The following SP140 variants were observed in gnomAD, a reference collection of about 807,000 sequenced individuals.
SP140 encodes SP140 nuclear body protein.
SP140 carries 81 observed loss-of-function variants against 125.0 expected under a neutral mutation model. The ratio of observed to expected loss-of-function variants is 0.65; its 90% CI spans 0.54 to 0.78. The LOEUF (loss-of-function observed/expected upper bound fraction) is 0.78, where lower values mean the gene tolerates loss of function less well. SP140 is among the 30% of genes least tolerant of loss of function. SP140 has a pLI of 0.00. For missense variants in SP140, 858 were observed against 1,037.0 expected, an observed-to-expected ratio of 0.83 and a Z score of 2.37; for synonymous variants, 312 against 354.0, an observed-to-expected ratio of 0.88 and a Z score of 1.33.
At chr2:230,212,035 CT>C (rs1002277790) in intron 1 of SP140, among the ~76,000 whole-genome samples, 1 of 152,096 alleles carries the variant, frequency 6.6e-6, no homozygotes, top group Non-Finnish European at 1.5e-5. Flanking sequence ...TAACATTGTT[CT>C]TAGAATCCAA....
chr2:230,267,712 G>A (rs745763948), intron 12 of SP140, among the ~76,000 whole-genome samples: 3 of 152,172 alleles, frequency 2.0e-5, no homozygotes, highest in Non-Finnish European at 4.4e-5. Flanking sequence ...GTGACAAACA[G>A]CAAAGAGGCC....
intron 15 of SP140, among the ~76,000 whole-genome samples, chr2:230,280,579 A>G (rs1430147557): frequency 6.6e-6 from 1 of 151,902 alleles, no homozygotes; most frequent in Non-Finnish European, 1.5e-5. Context: ...TTTTTAATGG[A>G]TTGGTATAAA....
intron 7 of SP140, among the ~76,000 whole-genome samples, chr2:230,246,196 CTTTCCTT>C (rs1185458013): frequency 7.9e-5 from 12 of 152,278 alleles, no homozygotes; most frequent in Non-Finnish European, 1.8e-4. Context: ...CTTCTTCCTG[CTTTCCTT>C]AAGAGGCACA....
upstream of SP140, among the ~76,000 whole-genome samples, chr2:230,222,672 A>T (rs1201639303): frequency 6.6e-6 from 1 of 151,616 alleles, no homozygotes; most frequent in African/African-American, 2.4e-5. Flanking sequence ...TCTGGTGAGC[A>T]GTGACAGAGT....
intron 15 of SP140, among the ~76,000 whole-genome samples, chr2:230,273,199 A>G (rs757596827): frequency 3.3e-5 from 5 of 152,242 alleles, no homozygotes; most frequent in Non-Finnish European, 5.9e-5. Flanking sequence ...TATGCATCTG[A>G]CAAAGATCTA....
At chr2:230,250,839 G>T in intron 9 of SP140, 142 bp from the exon 10 acceptor site, 1 of 752,420 alleles carries the variant, frequency 1.3e-6, no homozygotes, top group Non-Finnish European at 2.2e-6. Flanking sequence ...TTACAGGCCA[G>T]GTGAACCCAC....
At chr2:230,302,458 A>G (rs2058374069) in intron 22 of SP140, among the ~76,000 whole-genome samples, 1 of 152,218 alleles carries the variant, frequency 6.6e-6, no homozygotes, top group African/African-American at 2.4e-5. Context: ...ACAGAATGAT[A>G]CTGGGGGACT....
chr2:230,218,245 G>A (rs1276597524), intron 3 of SP140, among the ~76,000 whole-genome samples: 9 of 152,168 alleles, frequency 5.9e-5, no homozygotes, highest in African/African-American at 9.7e-5. Flanking sequence ...AAAGTAAATC[G>A]TAATTAACAA....
rs550343216 is a variant in SP140, at chr2:230,292,674, G to A, written c.1854G>A (p.Glu618=). 2.3e-5 allele frequency: 37 copies of A among 1,614,160 alleles called. No homozygotes were observed. The South Asian group carries it at 4.0e-4, about 17-fold the overall frequency. ...QGILVKCIQT[E]DGKWFTPTEF... ...TCTTGGTGAAGTGTATACAGACTGA[G>A]GATGGAAAATGGTTCACCCCCACGG... Residue 618 remains glutamate (E), a synonymous_variant, in exon 20 of 27, where the codon GAG becomes GAA. Coordinates refer to ENST00000392045, the MANE Select transcript of SP140 (RefSeq NM_007237.5).
At chr2:230,234,232 TG>T (rs1462340883) in intron 1 of SP140, among the ~76,000 whole-genome samples, 1 of 152,238 alleles carries the variant, frequency 6.6e-6, no homozygotes, top group Admixed American at 6.5e-5. Context: ...ACCCTCATCC[TG>T]GACTCTGTCT....
chr2:230,303,707 C>T (rs1260026940), intron 22 of SP140, among the ~76,000 whole-genome samples: 1 of 152,158 alleles, frequency 6.6e-6, no homozygotes, highest in Non-Finnish European at 1.5e-5. Flanking sequence ...AAATCCAGCA[C>T]CTTTTATAAT....
intron 12 of SP140, among the ~76,000 whole-genome samples, chr2:230,256,468 A>G (rs937833747): frequency 2.7e-5 from 4 of 149,416 alleles, no homozygotes; most frequent in African/African-American, 7.4e-5. Context: ...GTGGGAATTG[A>G]ACAATGAGAA....
intron 1 of SP140, among the ~76,000 whole-genome samples, chr2:230,209,158 A>G (rs1248048018): frequency 6.6e-6 from 1 of 152,240 alleles, no homozygotes; most frequent in Non-Finnish European, 1.5e-5. Flanking sequence ...ACAGGTATCA[A>G]AAAAGGAATT....
intron 17 of SP140, among the ~76,000 whole-genome samples, chr2:230,286,598 G>A (rs2056412028): frequency 1.3e-5 from 2 of 152,194 alleles, no homozygotes; most frequent in Admixed American, 1.3e-4. Context: ...GCAAGGGAAG[G>A]GGAGGGGTCA....
chr2:230,283,284 T>C (rs1176825529), intron 15 of SP140, among the ~76,000 whole-genome samples: 3 of 152,238 alleles, frequency 2.0e-5, no homozygotes, highest in Admixed American at 6.5e-5. Flanking sequence ...TGCTCTTGCT[T>C]CACTGCTGCA....
chr2:230,217,696 G>T (rs2045374350), intron 3 of SP140, among the ~76,000 whole-genome samples: 1 of 152,192 alleles, frequency 6.6e-6, no homozygotes, highest in Non-Finnish European at 1.5e-5. Flanking sequence ...GAGAGTGGAA[G>T]AGCTGGGAGC....
chr2:230,241,491 A>T lies in SP140; in HGVS notation c.490+4A>T. On this transcript the variant is annotated splice_donor_region_variant and intron_variant, in intron 4 of 26. Transcript: ENST00000392045. ...TTACTACCATATGGTAAACAAGGTAACTATCATTTAGCTGATCAATGCCCT... is the reference window on the plus strand; with the variant it reads ...TTACTACCATATGGTAAACAAGGTATCTATCATTTAGCTGATCAATGCCCT... 1 of 1,510,820 alleles carries T rather than the reference A, an allele frequency of 6.6e-7. No homozygotes were observed. The highest frequency in any genetic ancestry group is 9.2e-7 in the Non-Finnish European group (1 of 1,086,070). The allele number at this position is 1,510,820 out of a possible 1,614,324, so 93.6% of individuals were successfully genotyped here. A position where few individuals can be genotyped will look rare whatever the true frequency, so the allele number is the denominator to read the frequency against.
At position 230,245,907 on chromosome 2, in the gene SP140, G is replaced by T; in HGVS notation, c.709G>T (p.Glu237Ter). Residue 237 changes from glutamate (E) to a stop codon, truncating the protein, a stop_gained, in exon 7 of 27, where the codon GAA becomes TAA. Transcript: ENST00000392045. LOFTEE classifies it high-confidence loss of function. ...ACAAATAGATGAAGGAGAATCAGAAGAAATGCCCAAGTTACTGCCTTATGA... is the reference window on the plus strand; with the variant it reads ...ACAAATAGATGAAGGAGAATCAGAATAAATGCCCAAGTTACTGCCTTATGA... ...AIQIDEGESE[E>*]MPKLLPYDTE... 1 of 1,606,766 alleles carries T rather than the reference G, an allele frequency of 6.2e-7. No individual in the cohort carries two copies. The highest frequency in any genetic ancestry group is 8.5e-7 in the Non-Finnish European group (1 of 1,173,376).
the SP140 span, among the ~76,000 whole-genome samples, chr2:230,195,155 C>T: frequency 6.6e-6 from 1 of 151,882 alleles, no homozygotes; most frequent in Non-Finnish European, 1.5e-5. Context: ...TATTGATCTA[C>T]AAACCTGCAA....
Sources: gnomAD v4.1 joint callset for allele counts (sites outside exome capture counted in the v4.1 genomes callset) on GRCh38, gnomAD v4.1.1 for gene constraint, MANE v1.5 for transcripts, NCBI Gene and HGNC (gene_info 2026-07-23, HGNC 2026-07-21) for gene names.